Variants in TUB observed in about 807,000 individuals in gnomAD.
The protein encoded by TUB is TUB bipartite transcription factor.
A neutral mutation model predicts 59.7 loss-of-function variants in TUB; 33 were observed. The ratio of observed to expected loss-of-function variants is 0.55; its 90% CI spans 0.42 to 0.74. TUB has a LOEUF of 0.74. Ranked by LOEUF, TUB falls within the 30% of genes least tolerant of loss-of-function variation. TUB has a pLI of 0.00. For synonymous variants in TUB, 293 were observed against 256.4 expected (o/e 1.14, Z -1.36); for missense variants, 659 against 672.0 (o/e 0.98, Z 0.21).
chr11:8,020,409 A>AACAGGTGTCC (rs1206138388), intron 1 of TUB, among the ~76,000 whole-genome samples: 1 of 152,140 alleles, frequency 6.6e-6, no homozygotes, highest in Admixed American at 6.5e-5. Context: ...GATTCAGAGG[A>AACAGGTGTCC]ACAGGTGTCC....
At chr11:8,065,296 C>T (rs1943217266) in intron 2 of TUB, among the ~76,000 whole-genome samples, 1 of 152,130 alleles carries the variant, frequency 6.6e-6, no homozygotes, top group South Asian at 2.1e-4. Context: ...GCCTGCTCCC[C>T]ATGGGGCCAG....
At chr11:8,035,731 G>A (rs1942635784), upstream of TUB, 1 of 152,314 alleles carries the variant, frequency 6.6e-6, no homozygotes. Context: ...AGGGCTGGAT[G>A]AGTGCAAGCA....
intron 1 of TUB, 145 bp from the exon 2 acceptor site, chr11:8,089,465 C>G: frequency 1.0e-6 from 1 of 966,560 alleles, no homozygotes; most frequent in Non-Finnish European, 1.6e-6. Context: ...CTCCACCCTT[C>G]CTCCTTCTAC....
intron 2 of TUB, among the ~76,000 whole-genome samples, chr11:8,062,447 G>A (rs1217866960): frequency 1.3e-5 from 2 of 152,014 alleles, no homozygotes; most frequent in Non-Finnish European, 2.9e-5. Flanking sequence ...GGCGCTGTCA[G>A]GGGCCTGTGG....
At chr11:8,066,411 G>A (rs1176869445) in intron 2 of TUB, among the ~76,000 whole-genome samples, 2 of 152,190 alleles carry the variant, frequency 1.3e-5, no homozygotes, top group Admixed American at 6.5e-5. Context: ...GCTGGCTCTG[G>A]GTTCAGCCCC....
At chr11:8,019,259 C>A in exon 1 of TUB, 1 of 1,243,240 alleles carries the variant, frequency 8.0e-7, no homozygotes. Flanking sequence ...CCAAGCCCAG[C>A]GCCGCCGCCG....
intron 3 of TUB, 117 bp from the exon 4 acceptor site, chr11:8,093,929 C>T: frequency 8.2e-7 from 1 of 1,212,342 alleles, no homozygotes; most frequent in South Asian, 1.3e-5. Context: ...TACAGGGGCC[C>T]TGGTGGGACT....
At chr11:8,095,895 A>G (rs2133866052) in intron 5 of TUB, among the ~76,000 whole-genome samples, 1 of 152,340 alleles carries the variant, frequency 6.6e-6, no homozygotes, top group Non-Finnish European at 1.5e-5. Context: ...GCTCCTTAGA[A>G]AAAGCTCCTT....
At chr11:8,053,124 T>G (rs1942959683) in intron 2 of TUB, among the ~76,000 whole-genome samples, 1 of 152,226 alleles carries the variant, frequency 6.6e-6, no homozygotes, top group Non-Finnish European at 1.5e-5. Flanking sequence ...CAAGACCTCT[T>G]TGGTATCTGT....
intron 1 of TUB, among the ~76,000 whole-genome samples, chr11:8,024,266 C>A: frequency 6.6e-6 from 1 of 152,208 alleles, no homozygotes; most frequent in East Asian, 1.9e-4. Context: ...TCTCTATCCC[C>A]TTTCTTCTTA....
intron 1 of TUB, among the ~76,000 whole-genome samples, chr11:8,033,052 C>T (rs1022938743): frequency 6.6e-6 from 1 of 152,072 alleles, no homozygotes; most frequent in Non-Finnish European, 1.5e-5. Context: ...GTAGGGAGAC[C>T]CTGCCGAACA....
At chr11:8,090,516 T>C (rs1323972244) in intron 3 of TUB, among the ~76,000 whole-genome samples, 1 of 152,234 alleles carries the variant, frequency 6.6e-6, no homozygotes, top group Non-Finnish European at 1.5e-5. Context: ...ATCTGGAGCA[T>C]TTCACTGAGT....
chr11:8,028,574 T>C (rs535289365), intron 1 of TUB, among the ~76,000 whole-genome samples: 2 of 152,366 alleles, frequency 1.3e-5, no homozygotes, highest in Non-Finnish European at 2.9e-5. Flanking sequence ...TCTATGTCAG[T>C]GATCCATTTT....
chr11:8,096,229 T>C lies in TUB; in HGVS notation c.566-456T>C, dbSNP rs530370315. Among the ~76,000 whole-genome samples, 58 of 152,272 alleles carry C rather than the reference T, an allele frequency of 3.8e-4. No homozygotes were observed. The South Asian group carries it at 6.6e-3, about 17-fold the overall frequency. On this transcript the variant is annotated intron_variant, in intron 5 of 11. Transcript: ENST00000299506. ...GAGGAGTCAGTGGGTCCCCTCCACA[T>C]TGGGCTGAGGAAGGAGCTGAGGCCT...
chr11:8,056,764 G>C (rs1943027552), intron 2 of TUB, among the ~76,000 whole-genome samples: 1 of 151,994 alleles, frequency 6.6e-6, no homozygotes. Flanking sequence ...GGTATATGGG[G>C]TGACATGTTG....
Position 8,089,605 on chromosome 11 carries a change from T to A in TUB, c.39-5T>A. On this transcript the variant is annotated splice_polypyrimidine_tract_variant and splice_region_variant and intron_variant, in intron 1 of 11. Coordinates refer to ENST00000299506, the MANE Select transcript of TUB (RefSeq NM_177972.3). ...AGCCCTGAAAACCCCTCTTTCGCTC[T>A]GCAGTGTCTTAGATGATGAGGGCAG... 6.2e-7 allele frequency: 1 copy of A among 1,614,164 alleles called. No homozygotes were observed. Among genetic ancestry groups the A allele is most frequent in the Non-Finnish European group, 8.5e-7 (1 of 1,180,006 alleles).
chr11:8,096,978 T>C (rs548135241), intron 6 of TUB, among the ~76,000 whole-genome samples, 172 bp downstream of exon 6: 1 of 152,196 alleles, frequency 6.6e-6, no homozygotes, highest in Non-Finnish European at 1.5e-5. Flanking sequence ...GGGTGATGTA[T>C]GGGGGGAGAT....
intron 1 of TUB, among the ~76,000 whole-genome samples, chr11:8,089,262 G>A (rs760359672): frequency 9.9e-5 from 15 of 152,164 alleles, no homozygotes; most frequent in East Asian, 1.9e-4. Context: ...GCCTGGCCTC[G>A]GGCCTGGCTT....
At chr11:8,054,032 G>A (rs966432038) in intron 2 of TUB, among the ~76,000 whole-genome samples, 1 of 151,678 alleles carries the variant, frequency 6.6e-6, no homozygotes, top group Admixed American at 6.6e-5. Context: ...GGAGAATGGT[G>A]TGAACCCGGG....
Sources: allele counts gnomAD v4.1 joint callset (sites outside exome capture counted in the v4.1 genomes callset), GRCh38; gene constraint gnomAD v4.1.1; transcripts MANE v1.5; gene names NCBI Gene and HGNC (gene_info 2026-07-23, HGNC 2026-07-21).